MACF1: variants seen among roughly 807,000 people sequenced by gnomAD.
MACF1 encodes microtubule-actin cross-linking factor 1.
A neutral mutation model predicts 854.8 loss-of-function variants in MACF1; 193 were observed. The observed-to-expected ratio is 0.23, with a 90% CI of 0.20 to 0.25. MACF1 has a LOEUF of 0.25. Ranked by LOEUF, MACF1 falls within the 10% of genes least tolerant of loss-of-function variation. The pLI, the probability that MACF1 is intolerant of heterozygous loss-of-function variation, is 1.00. For synonymous variants in MACF1, 3,185 were observed against 3,226.7 expected (o/e 0.99, Z 0.44); for missense variants, 7,722 against 8,929.1 (o/e 0.86, Z 5.45).
chr1:39,439,603 C>T (rs947160282), intron 72 of MACF1, 103 bp downstream of exon 72: 1 of 896,254 alleles, frequency 1.1e-6, no homozygotes, highest in Admixed American at 2.7e-5. Context: ...AGGCTGAGTA[C>T]CTTAAAGGTT....
At chr1:39,254,560 A>G in intron 5 of MACF1, 185 bp downstream of exon 5, 1 of 548,824 alleles carries the variant, frequency 1.8e-6, no homozygotes, top group Non-Finnish European at 3.2e-6. Flanking sequence ...GTACTCACAC[A>G]GAACTTGTGA....
chr1:39,265,894 T>C (rs1016734376), intron 6 of MACF1, among the ~76,000 whole-genome samples: 11 of 152,202 alleles, frequency 7.2e-5, no homozygotes, highest in Non-Finnish European at 1.3e-4. Flanking sequence ...CATTATCTCA[T>C]TAACCTTGTC....
chr1:39,209,087 A>G (rs1009287106), intron 1 of MACF1, among the ~76,000 whole-genome samples: 2 of 151,986 alleles, frequency 1.3e-5, no homozygotes, highest in Admixed American at 6.5e-5. Flanking sequence ...CCCTGTCTCT[A>G]CTAAAAAATA....
chr1:39,434,753 G>T, intron 69 of MACF1, 121 bp downstream of exon 69: 2 of 765,768 alleles, frequency 2.6e-6, no homozygotes, highest in Non-Finnish European at 4.2e-6. Flanking sequence ...TTCTTAATCA[G>T]TTAGAATTCC....
intron 6 of MACF1, among the ~76,000 whole-genome samples, chr1:39,264,662 C>CTTTT (rs35145613): frequency 1.2e-5 from 1 of 81,640 alleles, no homozygotes; most frequent in African/African-American, 4.5e-5. Context: ...GATAGGATTT[C>CTTTT]TTTTTTTTTT....
intron 1 of MACF1, among the ~76,000 whole-genome samples, chr1:39,211,432 T>G (rs1017893947): frequency 6.6e-6 from 1 of 152,132 alleles, no homozygotes; most frequent in East Asian, 1.9e-4. Flanking sequence ...TTTTTAAATT[T>G]AAAAAAAATT....
intron 15 of MACF1, among the ~76,000 whole-genome samples, chr1:39,289,884 A>G (rs1255497247): frequency 1.3e-5 from 2 of 151,428 alleles, no homozygotes; most frequent in Admixed American, 1.3e-4. Context: ...TATTTTTAGT[A>G]GAGATGGGGT....
intron 58 of MACF1, among the ~76,000 whole-genome samples, chr1:39,397,901 GT>G (rs1216545823): frequency 6.6e-6 from 1 of 152,124 alleles, no homozygotes; most frequent in Non-Finnish European, 1.5e-5. Flanking sequence ...GGTAAATGCA[GT>G]AAGAAAGATC....
At position 39,291,947 on chromosome 1, in the gene MACF1, C is replaced by T; in HGVS notation, c.1823C>T (p.Pro608Leu). The T allele has an allele frequency of 6.2e-7, 1 of 1,613,990 alleles. No homozygotes were observed. The highest frequency in any genetic ancestry group is 8.5e-7 in the Non-Finnish European group (1 of 1,179,994). Residue 608 changes from proline to leucine, a missense_variant, in exon 16 of 101, where the codon CCT becomes CTT. Around this residue, in one of 15 missense-constraint regions of MACF1, gnomAD observed 1,137 missense variants for 1,263.0 expected, o/e 0.90. Transcript: ENST00000564288. ...LERAEWGNDL[P>L]SVELQLETQQ... ...CGAGCAGAGTGGGGCAATGACCTGC[C>T]TAGTGTGGAGTTGCAGCTAGAAACA... is the stretch of plus-strand genomic sequence containing the variant.
chr1:39,207,906 G>C (rs1044426322), intron 1 of MACF1, among the ~76,000 whole-genome samples: 2 of 151,996 alleles, frequency 1.3e-5, no homozygotes, highest in Non-Finnish European at 2.9e-5. Flanking sequence ...GGCTGAGGCA[G>C]GTGGATCACC....
chr1:39,114,515 C>T (rs1005668930), intron 2 of MACF1, among the ~76,000 whole-genome samples: 1 of 152,072 alleles, frequency 6.6e-6, no homozygotes, highest in South Asian at 2.1e-4. Context: ...ATCACGAGTC[C>T]AGGAGTTTGA....
chr1:39,336,450 CAG>C lies in MACF1; in HGVS notation c.9864_9865del (p.Asn3289CysfsTer4). On this transcript the variant is annotated frameshift_variant, in exon 37 of 101. Coordinates refer to ENST00000564288, the MANE Select transcript of MACF1 (RefSeq NM_001394062.1). LOFTEE classifies it high-confidence loss of function. ...GVSQKENTGQ[Q>X]NAIISPTVLE... ...GTCTCAAAAAGAGAATACAGGGCAA[CAG>C]AATGCCATCATTAGTCCTACTGTTC... 1 of 1,614,098 alleles carries C rather than the reference CAG, an allele frequency of 6.2e-7. No homozygotes were observed. The highest frequency in any genetic ancestry group is 8.5e-7 in the Non-Finnish European group (1 of 1,179,974).
At position 39,335,425 on chromosome 1, in the gene MACF1, T is replaced by A; in HGVS notation, c.8837T>A (p.Val2946Glu). ...RENQGEVILE[V>E]QETYCETSGK... The stretch of plus-strand genomic sequence containing the variant: ...AATCAAGGGGAAGTGATTTTGGAAG[T>A]ACAAGAAACATATTGTGAAACGTCA... The change falls in exon 37 of 101, where the codon GTA (valine) becomes GAA (glutamate). Residue 2946 changes from valine (V) to glutamate (E), a missense_variant. By Grantham distance (121) the Val-to-Glu change is moderately radical. This residue lies in a region of MACF1 where 854 missense variants were observed against 852.6 expected (regional missense o/e 1.00). Transcript: ENST00000564288. 2 of 1,614,180 alleles carry A rather than the reference T, an allele frequency of 1.2e-6. No individual in the cohort carries two copies. The highest frequency in any genetic ancestry group is 1.7e-6 in the Non-Finnish European group (2 of 1,180,032).
chr1:39,230,687 TTTGA>T (rs1448603638), intron 1 of MACF1, among the ~76,000 whole-genome samples: 2 of 150,384 alleles, frequency 1.3e-5, no homozygotes, highest in East Asian at 3.9e-4. Flanking sequence ...GCTTTGAGAG[TTTGA>T]TTGTTTTGAT....
rs199675674 is a variant in MACF1, at chr1:39,378,558, G to A, written c.13276+35G>A. ...CCATTTCAACAGTGCTTCTTTGTTGGATGTGTTAGGACAGTGTCTATGTTT... is the reference window on the plus strand; with the variant it reads ...CCATTTCAACAGTGCTTCTTTGTTGAATGTGTTAGGACAGTGTCTATGTTT... On this transcript the variant is annotated intron_variant, in intron 53 of 100. Coordinates refer to ENST00000564288, the MANE Select transcript of MACF1 (RefSeq NM_001394062.1). 7.8e-5 allele frequency: 123 copies of A among 1,586,504 alleles called. 1 individual carries two copies. The highest frequency in any genetic ancestry group is 1.4e-5 in the Non-Finnish European group (16 of 1,155,158).
chr1:39,251,839 G>T lies in MACF1; in HGVS notation c.262-7G>T. 1 of 1,384,216 alleles carries T rather than the reference G, an allele frequency of 7.2e-7. No homozygotes were observed. Among genetic ancestry groups the T allele is most frequent in the Non-Finnish European group, 9.4e-7 (1 of 1,065,242 alleles). 85.7% of individuals were successfully genotyped at this position (1,384,216 alleles called of 1,614,324 possible). A position where few individuals can be genotyped will look rare whatever the true frequency, so the allele number is the denominator to read the frequency against. On this transcript the variant is annotated splice_polypyrimidine_tract_variant and splice_region_variant and intron_variant, in intron 3 of 100. Transcript: ENST00000564288. ...TATTGTGTCTTTGCCTTGGTTGGTGGCCAAAGGAGCCAGCAGGGCTGAAGA... is the reference window on the plus strand; with the variant it reads ...TATTGTGTCTTTGCCTTGGTTGGTGTCCAAAGGAGCCAGCAGGGCTGAAGA...
At chr1:39,241,084 T>A (rs1644917803) in intron 2 of MACF1, among the ~76,000 whole-genome samples, 1 of 151,822 alleles carries the variant, frequency 6.6e-6, no homozygotes, top group South Asian at 2.1e-4. Flanking sequence ...GGGCTTTTCC[T>A]TGAAGACAAA....
intron 1 of MACF1, among the ~76,000 whole-genome samples, chr1:39,220,652 T>C (rs535408899): frequency 2.0e-4 from 31 of 151,250 alleles, no homozygotes; most frequent in Admixed American, 7.9e-4. Flanking sequence ...CTGGCTAATT[T>C]TTGTCTTTTT....
At chr1:39,386,241 C>G (rs1180382) in intron 57 of MACF1, among the ~76,000 whole-genome samples, 19,462 of 143,886 alleles carry the variant, frequency 0.14, 2,496 homozygotes, top group African/African-American at 0.35. Context: ...CTCATTGATA[C>G]CCACTTTTTT....
Sources: gnomAD v4.1 joint callset for allele counts (sites outside exome capture counted in the v4.1 genomes callset) on GRCh38, gnomAD v4.1.1 for gene constraint, gnomAD v4.1.1 regional missense constraint, MANE v1.5 for transcripts, NCBI Gene and HGNC (gene_info 2026-07-23, HGNC 2026-07-21) for gene names.